The following DAB1 variants were observed in gnomAD, a reference collection of about 807,000 sequenced individuals.
DAB1 encodes DAB adaptor protein 1.
DAB1 carries 15 observed loss-of-function variants against 64.6 expected under a neutral mutation model. That is an observed-to-expected ratio of 0.23 (90% confidence interval 0.16 to 0.36). The LOEUF (loss-of-function observed/expected upper bound fraction) is 0.36, where lower values mean the gene tolerates loss of function less well. DAB1 is among the 10% of genes least tolerant of loss of function. DAB1 has a pLI of 1.00. For missense variants in DAB1, 596 were observed against 706.7 expected, an observed-to-expected ratio of 0.84 and a Z score of 1.78; for synonymous variants, 235 against 251.9, an observed-to-expected ratio of 0.93 and a Z score of 0.64.
At chr1:57,655,749 C>A (rs966875861) in intron 6 of DAB1, among the ~76,000 whole-genome samples, 2 of 152,036 alleles carry the variant, frequency 1.3e-5, no homozygotes, top group African/African-American at 2.4e-5. Flanking sequence ...TATAGTGGAA[C>A]AAAAAGTAAC....
chr1:57,478,455 G>A (rs1643966910), intron 7 of DAB1, among the ~76,000 whole-genome samples: 1 of 151,978 alleles, frequency 6.6e-6, no homozygotes, highest in Non-Finnish European at 1.5e-5. Flanking sequence ...TTTAGCAAAT[G>A]GGGATTTATT....
At chr1:58,223,754 T>C (rs1659308377) in intron 4 of DAB1, among the ~76,000 whole-genome samples, 1 of 152,132 alleles carries the variant, frequency 6.6e-6, no homozygotes, top group Non-Finnish European at 1.5e-5. Context: ...CCCATGGGAA[T>C]CCCCAGTCCT....
intron 2 of DAB1, among the ~76,000 whole-genome samples, chr1:58,519,485 C>T (rs1431229657): frequency 6.6e-6 from 1 of 152,098 alleles, no homozygotes; most frequent in Non-Finnish European, 1.5e-5. Flanking sequence ...AGCTCATCAT[C>T]CCAGCCTATG....
At chr1:57,348,072 G>A (rs991069051) in intron 1 of DAB1, among the ~76,000 whole-genome samples, 4 of 152,076 alleles carry the variant, frequency 2.6e-5, no homozygotes, top group African/African-American at 9.7e-5. Flanking sequence ...TATCAACAAG[G>A]GTATTTGAGC....
At chr1:57,340,435 T>C (rs1677477000) in intron 1 of DAB1, among the ~76,000 whole-genome samples, 1 of 152,184 alleles carries the variant, frequency 6.6e-6, no homozygotes, top group Non-Finnish European at 1.5e-5. Context: ...AACCTCTGCA[T>C]TGGTGTGTCA....
intron 4 of DAB1, among the ~76,000 whole-genome samples, chr1:57,128,983 C>A (rs1002806540): frequency 1.3e-5 from 2 of 152,152 alleles, no homozygotes; most frequent in Admixed American, 6.6e-5. Flanking sequence ...AGTTGCTTAA[C>A]CCCTTGGGTC....
intron 7 of DAB1, among the ~76,000 whole-genome samples, chr1:57,501,810 T>C (rs902858232): frequency 5.3e-5 from 8 of 152,210 alleles, no homozygotes; most frequent in Admixed American, 4.6e-4. Context: ...TGTTTACCCC[T>C]GCCTACTTTA....
intron 2 of DAB1, among the ~76,000 whole-genome samples, chr1:58,509,834 T>C (rs1646046941): frequency 6.6e-6 from 1 of 151,694 alleles, no homozygotes. Context: ...ACTGATACCA[T>C]ACAAAGGATC....
At chr1:57,760,470 T>C (rs1050443380) in intron 6 of DAB1, among the ~76,000 whole-genome samples, 2 of 152,110 alleles carry the variant, frequency 1.3e-5, no homozygotes, top group African/African-American at 4.8e-5. Context: ...CCCAGGTCTC[T>C]AAGAACATGG....
At chr1:57,345,526 T>A (rs1678007447) in intron 1 of DAB1, among the ~76,000 whole-genome samples, 1 of 152,114 alleles carries the variant, frequency 6.6e-6, no homozygotes. Context: ...TAGCAGTGAG[T>A]CTGGGACCCT....
intron 4 of DAB1, among the ~76,000 whole-genome samples, chr1:58,164,651 C>T (rs1395571804): frequency 8.5e-5 from 13 of 152,138 alleles, no homozygotes; most frequent in East Asian, 1.9e-4. Flanking sequence ...TAACACATTA[C>T]GAAATGCTAC....
At chr1:58,410,914 G>C (rs1026616187) in intron 3 of DAB1, among the ~76,000 whole-genome samples, 2 of 152,176 alleles carry the variant, frequency 1.3e-5, no homozygotes, top group Non-Finnish European at 2.9e-5. Context: ...CACTGCCAGA[G>C]TTATTTCCCC....
At chr1:57,225,855 T>G (rs1667222631) in intron 2 of DAB1, among the ~76,000 whole-genome samples, 2 of 152,218 alleles carry the variant, frequency 1.3e-5, no homozygotes, top group Non-Finnish European at 2.9e-5. Flanking sequence ...AGAAGTTTGC[T>G]GAGTCAAGCT....
At chr1:57,803,766 GCT>G (rs758854652) in intron 6 of DAB1, among the ~76,000 whole-genome samples, 1 of 152,192 alleles carries the variant, frequency 6.6e-6, no homozygotes, top group Non-Finnish European at 1.5e-5. Context: ...ACTTGGCATG[GCT>G]CTGTTTTCTC....
At chr1:57,215,706 T>A (rs111735398) in intron 2 of DAB1, among the ~76,000 whole-genome samples, 1 of 152,194 alleles carries the variant, frequency 6.6e-6, no homozygotes, top group Non-Finnish European at 1.5e-5. Flanking sequence ...AGTAAAAAAT[T>A]GCCTCCCTCC....
chr1:57,057,808 C>CGA (rs1478857185), intron 9 of DAB1, among the ~76,000 whole-genome samples: 18 of 151,686 alleles, frequency 1.2e-4, no homozygotes, highest in South Asian at 1.0e-3. Context: ...CGGGGTTTCA[C>CGA]TGTATTAGCC....
chr1:57,480,961 T>C (rs1644011321), intron 7 of DAB1, among the ~76,000 whole-genome samples: 1 of 152,142 alleles, frequency 6.6e-6, no homozygotes, highest in Admixed American at 6.5e-5. Flanking sequence ...GCTTCCTATT[T>C]GTAAGCATTA....
intron 4 of DAB1, among the ~76,000 whole-genome samples, chr1:58,204,625 G>A (rs943331919): frequency 6.6e-6 from 1 of 152,148 alleles, no homozygotes; most frequent in African/African-American, 2.4e-5. Flanking sequence ...CTTCAGAGTT[G>A]TCTCACCCAG....
intron 3 of DAB1, among the ~76,000 whole-genome samples, chr1:58,427,663 T>C (rs959372193): frequency 6.6e-6 from 1 of 152,188 alleles, no homozygotes; most frequent in Non-Finnish European, 1.5e-5. Context: ...ACTGGAAAGA[T>C]GCAGTTGCCA....
Sources: allele counts gnomAD v4.1 joint callset (sites outside exome capture counted in the v4.1 genomes callset), GRCh38; gene constraint gnomAD v4.1.1; transcripts MANE v1.5; gene names NCBI Gene and HGNC (gene_info 2026-07-23, HGNC 2026-07-21).